The following PMM2 variants were observed in gnomAD, a reference collection of about 807,000 sequenced individuals.
PMM2 encodes mannose-6-phosphate isomerase.
In PMM2, 35 loss-of-function variants were observed where a neutral mutation model predicts 33.2. The ratio of observed to expected loss-of-function variants is 1.06; its 90% CI spans 0.81 to 1.40. The LOEUF (loss-of-function observed/expected upper bound fraction) is 1.40, where lower values mean the gene tolerates loss of function less well. PMM2 is among the 40% of genes most tolerant of loss of function. PMM2 has a pLI of 0.00. For synonymous variants in PMM2, 153 were observed against 114.7 expected, an observed-to-expected ratio of 1.33 and a Z score of -2.13; for missense variants, 386 against 306.0, an observed-to-expected ratio of 1.26 and a Z score of -1.95.
intron 7 of PMM2, among the ~76,000 whole-genome samples, chr16:8,845,223 C>T (rs1010525414): frequency 6.6e-6 from 1 of 152,092 alleles, no homozygotes; most frequent in African/African-American, 2.4e-5. Flanking sequence ...GTGGATCTCA[C>T]AAAGTACATC....
intron 3 of PMM2, among the ~76,000 whole-genome samples, chr16:8,805,751 G>A (rs1226878457): frequency 1.3e-5 from 2 of 151,676 alleles, no homozygotes; most frequent in Non-Finnish European, 1.5e-5. Context: ...CAGCATGCCC[G>A]GCTCATTTTT....
chr16:8,803,845 G>A (rs2060629257), intron 2 of PMM2, among the ~76,000 whole-genome samples: 2 of 151,134 alleles, frequency 1.3e-5, no homozygotes, highest in Admixed American at 6.6e-5. Flanking sequence ...CAGCACGCCC[G>A]GCTAATTTTT....
At chr16:8,827,947 A>ATG (rs2060787046) in intron 7 of PMM2, among the ~76,000 whole-genome samples, 1 of 97,598 alleles carries the variant, frequency 1.0e-5, no homozygotes, top group East Asian at 2.6e-4. Context: ...ATTTATAAAT[A>ATG]TATATATTTA....
chr16:8,800,677 T>G (rs577012524), intron 1 of PMM2, among the ~76,000 whole-genome samples: 8,790 of 149,562 alleles, frequency 0.059, 350 homozygotes, highest in Middle Eastern at 0.14. Context: ...TTTTTTTTTT[T>G]TTTTGTTTTG....
chr16:8,820,758 T>C (rs781283669), intron 7 of PMM2, among the ~76,000 whole-genome samples: 1 of 152,194 alleles, frequency 6.6e-6, no homozygotes, highest in Non-Finnish European at 1.5e-5. Flanking sequence ...ACATGCATCT[T>C]TGGCCTGGTC....
chr16:8,832,953 G>A, intron 7 of PMM2: 1 of 582,986 alleles, frequency 1.7e-6, no homozygotes, highest in Non-Finnish European at 2.0e-6. Flanking sequence ...GCTGTCTGTT[G>A]ATGACTGGTC....
chr16:8,807,342 C>T (rs1237727761), intron 4 of PMM2, among the ~76,000 whole-genome samples: 1 of 152,156 alleles, frequency 6.6e-6, no homozygotes, highest in Admixed American at 6.5e-5. Flanking sequence ...TTTCTGGCTT[C>T]TGTTGGCAAA....
chr16:8,799,551 C>G (rs995601129), intron 1 of PMM2, among the ~76,000 whole-genome samples: 2 of 149,762 alleles, frequency 1.3e-5, no homozygotes, highest in Non-Finnish European at 3.0e-5. Context: ...ACAGTTCTGA[C>G]TCTTTTTTTT....
At chr16:8,832,999 C>A (rs1412520959) in intron 7 of PMM2, 2 of 552,806 alleles carry the variant, frequency 3.6e-6, no homozygotes, top group Admixed American at 6.9e-5. Context: ...TTGGTTTGCG[C>A]CGTATCCCCA....
chr16:8,840,591 A>G (rs186082763), intron 7 of PMM2, among the ~76,000 whole-genome samples: 31 of 152,148 alleles, frequency 2.0e-4, no homozygotes, highest in Non-Finnish European at 4.3e-4. Context: ...TATTAGGCTC[A>G]TAAGGGTTAT....
chr16:8,844,989 C>T (rs2060915722), intron 7 of PMM2, among the ~76,000 whole-genome samples: 1 of 152,322 alleles, frequency 6.6e-6, no homozygotes, highest in Non-Finnish European at 1.5e-5. Context: ...GGATTGATCT[C>T]CCAAGGGAGG....
Position 8,832,730 on chromosome 16 carries a change from C to T in PMM2, c.640-14994C>T, listed in dbSNP as rs546740586. The T allele has an allele frequency of 3.1e-5, 31 of 985,310 alleles. No homozygotes were observed. In the South Asian group the frequency reaches 1.1e-3, roughly 34 times the overall value. 61.0% of individuals were successfully genotyped at this position (985,310 alleles called of 1,614,324 possible). A position where few individuals can be genotyped will look rare whatever the true frequency, so the allele number is the denominator to read the frequency against. On this transcript the variant is annotated intron_variant, in intron 7 of 7. Transcript: ENST00000268261. The stretch of plus-strand genomic sequence containing the variant: ...GTAATCTGATCATGGCCCGGGCTTG[C>T]AGGCTTCAGGCGGCTACCCGTGAAA...
At chr16:8,817,726 G>A (rs1226641648) in intron 7 of PMM2, among the ~76,000 whole-genome samples, 1 of 152,122 alleles carries the variant, frequency 6.6e-6, no homozygotes, top group Non-Finnish European at 1.5e-5. Context: ...ATTCATTATA[G>A]AAAATTAGAG....
At chr16:8,840,796 C>G (rs991697880) in intron 7 of PMM2, among the ~76,000 whole-genome samples, 1 of 151,792 alleles carries the variant, frequency 6.6e-6, no homozygotes, top group Non-Finnish European at 1.5e-5. Context: ...TCCGGTCCAT[C>G]GAGGTTGTAG....
At position 8,831,675 on chromosome 16, in the gene PMM2, G is replaced by A. The variant is rs927708698; in HGVS notation, c.640-16049G>A. On this transcript the variant is annotated intron_variant, in intron 7 of 7. Coordinates refer to ENST00000268261, the MANE Select transcript of PMM2 (RefSeq NM_000303.3). ...GATCACACTGTTCCTCTCTTTGGAT[G>A]ATTGGGGTTCACTGCTACACTGCAC... Among the ~76,000 whole-genome samples the A allele has an allele frequency of 4.6e-5, 7 of 152,228 alleles. No individual in the cohort carries two copies. The East Asian group carries it at 1.3e-3, about 29-fold the overall frequency.
rs201440361 is a variant in PMM2 at position 8,813,040 on chromosome 16, C to A, written c.573C>A (p.Tyr191Ter). Residue 191 changes from tyrosine (Y) to a stop codon, truncating the protein, a stop_gained, in exon 7 of 8, where the codon TAC becomes TAA. Transcript: ENST00000268261. LOFTEE classifies it high-confidence loss of function. ...TTCCTGATGGATGGGACAAGAGATA[C>A]TGTCTGCGACATGTGGAAAATGACG... ...DVFPDGWDKR[Y>*]CLRHVENDGY... 5.0e-6 allele frequency: 8 copies of A among 1,613,714 alleles called. No individual in the cohort carries two copies. In the South Asian group the frequency reaches 8.8e-5, roughly 18 times the overall value.
chr16:8,812,977 TC>T lies in PMM2; in HGVS notation c.524-10del. The T allele has an allele frequency of 6.7e-7, 1 of 1,493,706 alleles. No individual in the cohort carries two copies. Among genetic ancestry groups the T allele is most frequent in the Non-Finnish European group, 9.3e-7 (1 of 1,069,990 alleles). 92.5% of individuals were successfully genotyped at this position (1,493,706 alleles called of 1,614,324 possible). A position where few individuals can be genotyped will look rare whatever the true frequency, so the allele number is the denominator to read the frequency against. On this transcript the variant is annotated splice_polypyrimidine_tract_variant and intron_variant, in intron 6 of 7. Transcript: ENST00000268261. ...TCACCTTTTGCCTTTGTGTGCCCCGTCCCCACCCGGCAGGAGGCCAGATCAG... is the reference window on the plus strand; with the variant it reads ...TCACCTTTTGCCTTTGTGTGCCCCGTCCCACCCGGCAGGAGGCCAGATCAG...
At chr16:8,832,236 G>A (rs1386465373) in intron 7 of PMM2, 2 of 985,286 alleles carry the variant, frequency 2.0e-6, no homozygotes, top group African/African-American at 1.7e-5. Flanking sequence ...GAGAAAGGAA[G>A]GCCTGAGGCA....
intron 7 of PMM2, among the ~76,000 whole-genome samples, chr16:8,817,366 A>T (rs1051857047): frequency 6.6e-6 from 1 of 152,250 alleles, no homozygotes; most frequent in Non-Finnish European, 1.5e-5. Context: ...GATCTAAGGG[A>T]TGCCCGGAAG....
Sources: allele counts gnomAD v4.1 joint callset (sites outside exome capture counted in the v4.1 genomes callset), GRCh38; gene constraint gnomAD v4.1.1; transcripts MANE v1.5; gene names NCBI Gene and HGNC (gene_info 2026-07-23, HGNC 2026-07-21).